Variants in TMEM116 observed in about 807,000 individuals in gnomAD.
The protein encoded by TMEM116 is transmembrane protein 116.
TMEM116 carries 38 observed loss-of-function variants against 44.3 expected under a neutral mutation model. The ratio of observed to expected loss-of-function variants is 0.86; its 90% confidence interval spans 0.66 to 1.12. The LOEUF (loss-of-function observed/expected upper bound fraction) is 1.12. Ranked by LOEUF, TMEM116 falls within the 50% of genes most tolerant of loss-of-function variation. The pLI, the probability that TMEM116 is intolerant of heterozygous loss-of-function variation, is 0.00. For missense variants in TMEM116, 354 were observed against 401.7 expected (o/e 0.88, Z 1.01); for synonymous variants, 132 against 144.8 (o/e 0.91, Z 0.64).
rs199785332 is a variant in TMEM116, at chr12:112,008,637, A to G, written c.-33-3334T>C. 6.6e-5 allele frequency among the ~76,000 whole-genome samples: 10 copies of G among 152,254 alleles called. No homozygotes were observed. The East Asian group carries it at 9.7e-4, about 15-fold the overall frequency. On this transcript the variant is annotated intron_variant, in intron 1 of 10. Transcript: ENST00000552374. ...CAGGAAAGACACTTGCCTTTGTAAA[A>G]TATTTTTATTTAACCAAAAAGTTTT...
intron 1 of TMEM116, among the ~76,000 whole-genome samples, chr12:112,008,335 G>C (rs1469337115): frequency 6.6e-6 from 1 of 152,098 alleles, no homozygotes; most frequent in Non-Finnish European, 1.5e-5. Context: ...ACAAAAATTA[G>C]CTGGGTATGG....
chr12:111,951,816 A>T (rs1317322996), intron 4 of TMEM116, among the ~76,000 whole-genome samples: 1 of 149,618 alleles, frequency 6.7e-6, no homozygotes, highest in Non-Finnish European at 1.5e-5. Context: ...AACTTAAAAT[A>T]AGAGTTAAAA....
intron 8 of TMEM116, 130 bp from the exon 9 acceptor site, chr12:111,934,160 T>G: frequency 1.8e-6 from 2 of 1,120,902 alleles, no homozygotes; most frequent in Non-Finnish European, 2.4e-6. Context: ...TCTCTTGTCT[T>G]TACTTTCTGA....
chr12:111,980,422 G>A (rs1156368461), intron 4 of TMEM116, among the ~76,000 whole-genome samples: 1 of 150,278 alleles, frequency 6.7e-6, no homozygotes, highest in Admixed American at 6.6e-5. Flanking sequence ...AAGAGTGTGC[G>A]AAAGATGAAT....
chr12:111,961,295 A>G (rs1317249879), intron 4 of TMEM116, among the ~76,000 whole-genome samples: 2 of 152,234 alleles, frequency 1.3e-5, no homozygotes, highest in African/African-American at 4.8e-5. Flanking sequence ...AACAACAGAA[A>G]AAGAGAGAAT....
At chr12:111,996,900 G>C (rs1009904742) in intron 3 of TMEM116, among the ~76,000 whole-genome samples, 1 of 152,160 alleles carries the variant, frequency 6.6e-6, no homozygotes, top group African/African-American at 2.4e-5. Context: ...AAATAATATT[G>C]AGGGATAAAA....
rs1048110279 is a variant in TMEM116, at chr12:111,969,585, G to GT, written c.210+22172dup. ...ATCATACCCGGCTAATTTTTCTGTT[G>GT]TTTTTTTTTTGAAATGGAGTCTCGC... On this transcript the variant is annotated intron_variant, in intron 4 of 10. Transcript: ENST00000552374. 6.6e-3 allele frequency among the ~76,000 whole-genome samples: 966 copies of GT among 146,680 alleles called. 12 individuals are homozygous for GT. The highest frequency in any genetic ancestry group is 0.022 in the African/African-American group (876 of 40,158).
chr12:111,991,719 CT>C, intron 4 of TMEM116, 38 bp downstream of exon 4: 1 of 1,522,344 alleles, frequency 6.6e-7, no homozygotes, highest in Non-Finnish European at 8.8e-7. Context: ...CTGAGTGTGC[CT>C]TTCTTGCAAG....
At chr12:111,991,133 T>A (rs1178909985) in intron 4 of TMEM116, among the ~76,000 whole-genome samples, 1 of 135,906 alleles carries the variant, frequency 7.4e-6, no homozygotes. Flanking sequence ...GCAAGAGAAT[T>A]GCTTGAACCT....
chr12:111,962,459 A>C (rs1319113784), intron 4 of TMEM116, among the ~76,000 whole-genome samples: 1 of 152,224 alleles, frequency 6.6e-6, no homozygotes, highest in Non-Finnish European at 1.5e-5. Flanking sequence ...ACTGGTACCA[A>C]AACAGATATA....
chr12:112,010,447 T>C (rs1275867946), intron 1 of TMEM116: 1 of 152,248 alleles, frequency 6.6e-6, no homozygotes, highest in South Asian at 2.1e-4. Flanking sequence ...AGATGAACTT[T>C]ATTGAGTGTT....
At chr12:111,993,674 T>A in intron 3 of TMEM116, 1 of 602,014 alleles carries the variant, frequency 1.7e-6, no homozygotes, top group Non-Finnish European at 3.2e-6. Flanking sequence ...TATGCCATGA[T>A]GAAGTTTGCC....
At chr12:111,991,714 T>C in intron 4 of TMEM116, 44 bp downstream of exon 4, 1 of 1,520,704 alleles carries the variant, frequency 6.6e-7, no homozygotes, top group Non-Finnish European at 8.8e-7. Context: ...TAGATCTGAG[T>C]GTGCCTTTCT....
chr12:111,974,907 TA>T (rs763228297), intron 4 of TMEM116, among the ~76,000 whole-genome samples: 1 of 152,154 alleles, frequency 6.6e-6, no homozygotes, highest in East Asian at 1.9e-4. Context: ...TTCAATAGCA[TA>T]AAAAATATCA....
At chr12:111,984,515 GAATA>G (rs957811742) in intron 4 of TMEM116, among the ~76,000 whole-genome samples, 15 of 152,120 alleles carry the variant, frequency 9.9e-5, no homozygotes, top group African/African-American at 3.6e-4. Context: ...TAGTTAAAAA[GAATA>G]AATAAGACCT....
intron 5 of TMEM116, among the ~76,000 whole-genome samples, chr12:111,938,903 T>G (rs1215963951): frequency 1.4e-5 from 2 of 145,542 alleles, no homozygotes. Flanking sequence ...AAAACATATA[T>G]TTGGAATGGC....
At chr12:111,993,173 G>A (rs1161738499) in intron 3 of TMEM116, 4 of 300,460 alleles carry the variant, frequency 1.3e-5, no homozygotes, top group South Asian at 4.1e-5. Flanking sequence ...TTGACTCCAC[G>A]AAGTATTATG....
At chr12:112,002,914 A>G (rs888336940) in intron 3 of TMEM116, among the ~76,000 whole-genome samples, 3 of 152,180 alleles carry the variant, frequency 2.0e-5, no homozygotes, top group African/African-American at 7.2e-5. Context: ...AATAGTTGTT[A>G]TATTTCTCTT....
intron 4 of TMEM116, among the ~76,000 whole-genome samples, chr12:111,980,654 G>C (rs1007674203): frequency 1.8e-4 from 28 of 152,144 alleles, no homozygotes; most frequent in African/African-American, 6.5e-4. Context: ...GGAAACTTTG[G>C]GAACTAGGGG....
Sources: allele counts gnomAD v4.1 joint callset (sites outside exome capture counted in the v4.1 genomes callset), GRCh38; gene constraint gnomAD v4.1.1; transcripts MANE v1.5; gene names NCBI Gene and HGNC (gene_info 2026-07-23, HGNC 2026-07-21).